NRG1: variants seen among roughly 807,000 people sequenced by gnomAD.
NRG1 encodes the protein pro-neuregulin-1, membrane-bound isoform.
NRG1 carries 18 observed loss-of-function variants against 63.8 expected under a neutral mutation model. The ratio of observed to expected loss-of-function variants is 0.28; its 90% confidence interval spans 0.19 to 0.42. NRG1 has a LOEUF of 0.42. Ranked by LOEUF, NRG1 falls within the 10% of genes least tolerant of loss-of-function variation. The probability of loss-of-function intolerance (pLI) is 1.00; values close to 1 mark genes in which losing one functional copy is unlikely to be tolerated. For missense variants in NRG1, 762 were observed against 814.7 expected (o/e 0.94, Z 0.79); for synonymous variants, 302 against 301.3 (o/e 1.00, Z -0.02).
intron 1 of NRG1, among the ~76,000 whole-genome samples, chr8:32,379,862 G>A (rs75867412): frequency 0.057 from 8,635 of 152,220 alleles, 333 homozygotes; most frequent in Middle Eastern, 0.088. Context: ...CAAGGACTTC[G>A]TTCATGGGAT....
intron 1 of NRG1, among the ~76,000 whole-genome samples, chr8:32,578,472 T>C: frequency 4.2e-5 from 1 of 23,632 alleles, no homozygotes; most frequent in South Asian, 2.4e-3. Flanking sequence ...CTGTCCTCCT[T>C]TTTTTTTTTT....
chr8:32,104,020 G>A (rs1056289554), intron 1 of NRG1, among the ~76,000 whole-genome samples: 3 of 152,140 alleles, frequency 2.0e-5, no homozygotes, highest in Non-Finnish European at 4.4e-5. Context: ...GACGATTCTG[G>A]ATTCCAAATA....
chr8:32,322,939 A>T (rs1007731753), intron 1 of NRG1, among the ~76,000 whole-genome samples: 4 of 151,274 alleles, frequency 2.6e-5, no homozygotes, highest in African/African-American at 9.7e-5. Flanking sequence ...GATGGCTTTC[A>T]CCACTCTATC....
chr8:32,049,964 A>G (rs147437262), intron 1 of NRG1, among the ~76,000 whole-genome samples: 28 of 152,274 alleles, frequency 1.8e-4, no homozygotes, highest in African/African-American at 6.5e-4. Context: ...TGATTCTATT[A>G]CATTCATCCT....
intron 1 of NRG1, among the ~76,000 whole-genome samples, chr8:32,092,192 C>T (rs1829261598): frequency 6.6e-6 from 1 of 151,932 alleles, no homozygotes; most frequent in Non-Finnish European, 1.5e-5. Flanking sequence ...GGTGCAGTGG[C>T]TCGTGGCTGT....
At chr8:32,066,017 A>G (rs1202792028) in intron 1 of NRG1, among the ~76,000 whole-genome samples, 1 of 152,174 alleles carries the variant, frequency 6.6e-6, no homozygotes, top group Non-Finnish European at 1.5e-5. Flanking sequence ...TCCTTTGCCC[A>G]CTTTTTGATG....
intron 1 of NRG1, among the ~76,000 whole-genome samples, chr8:32,163,858 T>A (rs540576077): frequency 6.6e-6 from 1 of 152,294 alleles, no homozygotes; most frequent in East Asian, 1.9e-4. Context: ...TAGGAAGTCT[T>A]TGGTTAAATT....
At chr8:32,330,049 A>T (rs1326847067) in intron 1 of NRG1, among the ~76,000 whole-genome samples, 5 of 31,932 alleles carry the variant, frequency 1.6e-4, no homozygotes, top group African/African-American at 4.5e-4. Context: ...ATTAAAAAAA[A>T]AAAAAAAAAA....
At chr8:32,408,552 G>A (rs989517731) in intron 1 of NRG1, among the ~76,000 whole-genome samples, 1 of 152,016 alleles carries the variant, frequency 6.6e-6, no homozygotes, top group African/African-American at 2.4e-5. Context: ...AGCTTGCTTG[G>A]TCTGGTGGCT....
intron 1 of NRG1, among the ~76,000 whole-genome samples, chr8:32,460,517 T>G (rs558827445): frequency 9.9e-5 from 15 of 152,162 alleles, no homozygotes; most frequent in Non-Finnish European, 1.0e-4. Flanking sequence ...TGCTTGAAAA[T>G]CACCTCTATT....
At chr8:31,735,748 A>T (rs117081941) in intron 1 of NRG1, among the ~76,000 whole-genome samples, 1 of 152,166 alleles carries the variant, frequency 6.6e-6, no homozygotes, top group Non-Finnish European at 1.5e-5. Flanking sequence ...ACTGCTGCTC[A>T]CTCGCTAATT....
intron 1 of NRG1, among the ~76,000 whole-genome samples, chr8:32,364,157 G>A (rs761396679): frequency 4.4e-5 from 6 of 135,016 alleles, no homozygotes; most frequent in Non-Finnish European, 9.1e-5. Flanking sequence ...ATATATGTGT[G>A]CATATAGATA....
intron 1 of NRG1, among the ~76,000 whole-genome samples, chr8:32,023,398 G>C (rs1016674472): frequency 6.6e-6 from 1 of 152,208 alleles, no homozygotes; most frequent in African/African-American, 2.4e-5. Context: ...CCTGGAATGT[G>C]CAGGAAAGGA....
intron 1 of NRG1, among the ~76,000 whole-genome samples, chr8:32,001,246 G>A (rs1042400178): frequency 1.3e-5 from 2 of 151,968 alleles, no homozygotes; most frequent in Non-Finnish European, 2.9e-5. Flanking sequence ...GGGACCCAGT[G>A]GGAGATAATT....
Position 32,742,871 on chromosome 8 carries a change from T to C in NRG1, c.691+138T>C. 2.5e-6 allele frequency: 4 copies of C among 1,570,090 alleles called. No individual in the cohort carries two copies. Among genetic ancestry groups the C allele is most frequent in the South Asian group, 2.3e-5 (2 of 86,394 alleles). ...AGATCTAATATTGACTGCCTCTGCC[T>C]GTCGCATGAGAACATTAACAAAAGC... On this transcript the variant is annotated intron_variant, in intron 7 of 11. Coordinates refer to ENST00000356819, the Ensembl canonical transcript of NRG1. This position sits in a 1 kb window ranked among gnomAD's most constrained non-coding sequence, Gnocchi z 4.2.
intron 1 of NRG1, among the ~76,000 whole-genome samples, chr8:31,979,627 A>G (rs1220515484): frequency 1.3e-5 from 2 of 152,096 alleles, no homozygotes; most frequent in African/African-American, 4.8e-5. Context: ...CTGAAATTGT[A>G]TACTGCTCTT....
chr8:32,308,346 T>C (rs1015298415), intron 1 of NRG1, among the ~76,000 whole-genome samples: 1 of 152,216 alleles, frequency 6.6e-6, no homozygotes, highest in Non-Finnish European at 1.5e-5. Context: ...CTCTCTTTCA[T>C]ATATCTGAAT....
chr8:32,254,623 A>T (rs1226762197), intron 1 of NRG1, among the ~76,000 whole-genome samples: 1 of 152,080 alleles, frequency 6.6e-6, no homozygotes, highest in Non-Finnish European at 1.5e-5. Flanking sequence ...AATAAGTGAG[A>T]TGTGGTGCTG....
chr8:32,283,254 T>C (rs1853097683), intron 1 of NRG1, among the ~76,000 whole-genome samples: 1 of 152,214 alleles, frequency 6.6e-6, no homozygotes, highest in African/African-American at 2.4e-5. Context: ...GCTCTTTTTT[T>C]CTTTTTCATT....
Sources: allele counts gnomAD v4.1 joint callset (sites outside exome capture counted in the v4.1 genomes callset), GRCh38; gene constraint gnomAD v4.1.1; non-coding constraint Gnocchi (gnomAD v3.1); transcripts MANE v1.5; gene names NCBI Gene and HGNC (gene_info 2026-07-23, HGNC 2026-07-21).